Variants in SUPT3H observed in about 807,000 individuals in gnomAD.
SUPT3H encodes SPT3 homolog, SAGA and STAGA complex component, also known as transcription initiation protein SPT3 homolog.
A neutral mutation model predicts 44.3 loss-of-function variants in SUPT3H; 44 were observed. The ratio of observed to expected loss-of-function variants is 0.99; its 90% CI spans 0.78 to 1.28. The LOEUF is 1.28. Ranked by LOEUF, SUPT3H falls within the 50% of genes most tolerant of loss-of-function variation. The pLI, the probability that SUPT3H is intolerant of heterozygous loss-of-function variation, is 0.00. For synonymous variants in SUPT3H, 124 were observed against 125.6 expected (o/e 0.99, Z 0.09); for missense variants, 380 against 387.1 (o/e 0.98, Z 0.15).
rs1472677142 is a variant in SUPT3H, at chr6:44,920,720, A to G, written c.912+11933T>C. Among the ~76,000 whole-genome samples, 4 of 152,290 alleles carry G rather than the reference A, an allele frequency of 2.6e-5. No homozygotes were observed. In the East Asian group the frequency reaches 7.7e-4, roughly 29 times the overall value. On this transcript the variant is annotated intron_variant, in intron 10 of 10. Coordinates refer to ENST00000371459, the MANE Select transcript of SUPT3H (RefSeq NM_003599.4). ...GCCCTAAATCATAAAGTCTGGGTAAACTGGCTCGCAATTAAAAGTCCTTCT... is the reference window on the plus strand; with the variant it reads ...GCCCTAAATCATAAAGTCTGGGTAAGCTGGCTCGCAATTAAAAGTCCTTCT...
intron 2 of SUPT3H, among the ~76,000 whole-genome samples, chr6:45,191,816 C>A (rs1029455905): frequency 6.6e-6 from 1 of 152,112 alleles, no homozygotes; most frequent in Admixed American, 6.6e-5. Flanking sequence ...TATGTCATCT[C>A]CCTAGCAAAA....
At chr6:45,041,723 T>C (rs944156153) in intron 3 of SUPT3H, among the ~76,000 whole-genome samples, 1 of 152,192 alleles carries the variant, frequency 6.6e-6, no homozygotes, top group African/African-American at 2.4e-5. Context: ...AAACATTTCT[T>C]CCTCACTAGT....
intron 6 of SUPT3H, among the ~76,000 whole-genome samples, chr6:44,980,695 A>G (rs1424172172): frequency 6.6e-6 from 1 of 152,218 alleles, no homozygotes; most frequent in Non-Finnish European, 1.5e-5. Flanking sequence ...GTGACCCATC[A>G]TAATCATTTC....
intron 2 of SUPT3H, among the ~76,000 whole-genome samples, chr6:45,208,757 T>G (rs1277092397): frequency 1.3e-4 from 19 of 146,870 alleles, no homozygotes; most frequent in South Asian, 2.1e-4. Flanking sequence ...AAATTCTCAG[T>G]GGAAACAAAA....
chr6:44,984,036 G>A (rs1201982551), intron 6 of SUPT3H, among the ~76,000 whole-genome samples: 1 of 152,170 alleles, frequency 6.6e-6, no homozygotes, highest in Non-Finnish European at 1.5e-5. Context: ...TAAATGTTGA[G>A]TGGATGAATG....
At chr6:45,180,525 G>C (rs1189114882) in intron 2 of SUPT3H, among the ~76,000 whole-genome samples, 10 of 145,972 alleles carry the variant, frequency 6.9e-5, no homozygotes, top group Non-Finnish European at 1.4e-4. Flanking sequence ...CAGAGATATA[G>C]ATCAATGGAA....
intron 2 of SUPT3H, among the ~76,000 whole-genome samples, chr6:45,153,955 A>T (rs1252812739): frequency 6.6e-6 from 1 of 151,438 alleles, no homozygotes; most frequent in Admixed American, 6.6e-5. Context: ...CTGTAGACCC[A>T]GCTACTCGGG....
intron 2 of SUPT3H, among the ~76,000 whole-genome samples, chr6:45,164,961 A>G (rs1028801722): frequency 3.3e-5 from 5 of 152,142 alleles, no homozygotes; most frequent in African/African-American, 1.2e-4. Context: ...GATACAAGGC[A>G]AAGTTTGATT....
chr6:45,356,980 C>T (rs1057357872), intron 2 of SUPT3H, among the ~76,000 whole-genome samples: 3 of 152,098 alleles, frequency 2.0e-5, no homozygotes, highest in African/African-American at 7.2e-5. Flanking sequence ...ACTAACCACT[C>T]TCTGATATAT....
At chr6:45,078,708 ATTTG>A (rs201261556) in intron 3 of SUPT3H, among the ~76,000 whole-genome samples, 4,578 of 151,870 alleles carry the variant, frequency 0.03, 111 homozygotes, top group Admixed American at 0.068. Context: ...AGGTTTTTTT[ATTTG>A]TTTGTTTGTT....
At chr6:45,262,330 CAGAAT>C (rs1774505188) in intron 2 of SUPT3H, among the ~76,000 whole-genome samples, 1 of 151,870 alleles carries the variant, frequency 6.6e-6, no homozygotes, top group Admixed American at 6.6e-5. Flanking sequence ...ACCAACAGAA[CAGAAT>C]AGAGAACCCA....
intron 2 of SUPT3H, among the ~76,000 whole-genome samples, chr6:45,299,335 CAA>C (rs10657198): frequency 2.9e-5 from 4 of 138,274 alleles, no homozygotes; most frequent in African/African-American, 2.7e-5. Context: ...GACTCTGCCT[CAA>C]AAAAAAAAAA....
chr6:45,245,142 T>A (rs765416844), intron 2 of SUPT3H, among the ~76,000 whole-genome samples: 20 of 152,242 alleles, frequency 1.3e-4, no homozygotes, highest in Middle Eastern at 3.4e-3. Context: ...TGTGTAGTAT[T>A]TCAGATATTT....
chr6:45,106,910 C>T (rs1799364247), intron 2 of SUPT3H, among the ~76,000 whole-genome samples: 1 of 152,160 alleles, frequency 6.6e-6, no homozygotes, highest in African/African-American at 2.4e-5. Flanking sequence ...ATACTGGCAA[C>T]CAGCAAATCA....
intron 2 of SUPT3H, among the ~76,000 whole-genome samples, chr6:45,232,386 T>C (rs759552905): frequency 6.6e-6 from 1 of 152,180 alleles, no homozygotes; most frequent in African/African-American, 2.4e-5. Flanking sequence ...CCTATGGTAA[T>C]GTTTTGTTGA....
At chr6:45,043,102 A>T (rs1301994723) in intron 3 of SUPT3H, among the ~76,000 whole-genome samples, 1 of 150,730 alleles carries the variant, frequency 6.6e-6, no homozygotes, top group African/African-American at 2.4e-5. Context: ...TCCCATAAGA[A>T]GTACACTTTT....
Position 45,146,354 on chromosome 6 carries a change from C to T in SUPT3H, c.102-40348G>A, listed in dbSNP as rs116010507. Among the ~76,000 whole-genome samples, 566 of 152,088 alleles carry T rather than the reference C, an allele frequency of 3.7e-3. 8 individuals carry two copies. The highest frequency in any genetic ancestry group is 0.013 in the African/African-American group (521 of 41,512). ...AATGGAAACCCAAATATCATATGTT[C>T]TCACTTATAAGTGGGAGCTATACTA... is the stretch of plus-strand genomic sequence containing the variant. On this transcript the variant is annotated intron_variant, in intron 2 of 10. Transcript: ENST00000371459.
intron 2 of SUPT3H, among the ~76,000 whole-genome samples, chr6:45,294,183 A>T (rs1248753295): frequency 6.6e-6 from 1 of 152,204 alleles, no homozygotes; most frequent in East Asian, 1.9e-4. Context: ...GGTTTAACAT[A>T]CACAAGTTAA....
intron 10 of SUPT3H, among the ~76,000 whole-genome samples, chr6:44,910,876 T>C (rs962731133): frequency 2.7e-4 from 41 of 149,980 alleles, no homozygotes; most frequent in East Asian, 2.0e-4. Flanking sequence ...GTGCCTATAC[T>C]CCCAGCCACT....
Sources: allele counts gnomAD v4.1 joint callset (sites outside exome capture counted in the v4.1 genomes callset), GRCh38; gene constraint gnomAD v4.1.1; transcripts MANE v1.5; gene names NCBI Gene and HGNC (gene_info 2026-07-23, HGNC 2026-07-21).